The following AK5 variants were observed in gnomAD, a reference collection of about 807,000 sequenced individuals.
AK5 encodes adenylate kinase 5.
Under a neutral mutation model 69.5 loss-of-function variants are expected in AK5, and 27 were observed. The ratio of observed to expected loss-of-function variants is 0.39; its 90% CI spans 0.29 to 0.54. The LOEUF is 0.54. Ranked by LOEUF, AK5 falls within the 20% of genes least tolerant of loss-of-function variation. AK5 has a pLI of 0.71. For synonymous variants in AK5, 260 were observed against 244.4 expected (o/e 1.06, Z -0.60); for missense variants, 531 against 700.4 (o/e 0.76, Z 2.73).
chr1:77,316,907 T>C (rs1484867928), intron 5 of AK5, among the ~76,000 whole-genome samples: 1 of 152,218 alleles, frequency 6.6e-6, no homozygotes, highest in Non-Finnish European at 1.5e-5. Flanking sequence ...TGTGTAAAGA[T>C]AAAATTAGAG....
At chr1:77,283,164 G>A (rs1013196825) in intron 1 of AK5, 14 of 985,540 alleles carry the variant, frequency 1.4e-5, no homozygotes, top group Non-Finnish European at 1.7e-5. Context: ...AGAGAGAGGA[G>A]GCTCGAGGAA....
At chr1:77,314,510 A>AT (rs1239318376) in intron 5 of AK5, 1 of 152,736 alleles carries the variant, frequency 6.5e-6, no homozygotes, top group Non-Finnish European at 1.5e-5. Context: ...ATGTAGCTTA[A>AT]TTTTTTAATT....
At chr1:77,528,321 C>T (rs1658396375) in intron 12 of AK5, among the ~76,000 whole-genome samples, 2 of 152,164 alleles carry the variant, frequency 1.3e-5, no homozygotes, top group Non-Finnish European at 2.9e-5. Context: ...GAGGTCCATT[C>T]AAGCCTGGAG....
At chr1:77,427,925 T>C (rs3113638) in intron 8 of AK5, among the ~76,000 whole-genome samples, 173 of 152,318 alleles carry the variant, frequency 1.1e-3, no homozygotes, top group African/African-American at 3.8e-3. Context: ...GTGTCCTTGT[T>C]CACAGATGAA....
chr1:77,355,549 G>C (rs1444121055), intron 6 of AK5, among the ~76,000 whole-genome samples: 2 of 152,136 alleles, frequency 1.3e-5, no homozygotes, highest in Non-Finnish European at 2.9e-5. Flanking sequence ...TCATCACCCT[G>C]TCTTGACCTG....
intron 6 of AK5, among the ~76,000 whole-genome samples, chr1:77,368,722 T>G (rs1036315383): frequency 6.6e-6 from 1 of 152,178 alleles, no homozygotes; most frequent in Non-Finnish European, 1.5e-5. Flanking sequence ...TCTGAGTATC[T>G]GAAATCTGAA....
At chr1:77,283,566 C>T (rs572392911) in intron 1 of AK5, 85 of 985,214 alleles carry the variant, frequency 8.6e-5, no homozygotes, top group Non-Finnish European at 9.6e-5. Flanking sequence ...TTTCTCTCAC[C>T]TCTATAAGCC....
At chr1:77,352,427 A>G (rs917502443) in intron 6 of AK5, among the ~76,000 whole-genome samples, 1 of 152,204 alleles carries the variant, frequency 6.6e-6, no homozygotes, top group African/African-American at 2.4e-5. Flanking sequence ...GAAGCCAGTA[A>G]ACAAGGGAGC....
chr1:77,447,000 T>C (rs1652794115), intron 8 of AK5, among the ~76,000 whole-genome samples: 1 of 152,186 alleles, frequency 6.6e-6, no homozygotes, highest in Non-Finnish European at 1.5e-5. Flanking sequence ...CAGGAAACAC[T>C]TGTGCTTGAT....
rs1377590646 is a variant in AK5 at position 77,282,271 on chromosome 1, G to A, written c.-43G>A. 17 of 1,532,350 alleles carry A rather than the reference G, an allele frequency of 1.1e-5. No homozygotes were observed. Among genetic ancestry groups the A allele is most frequent in the Non-Finnish European group, 1.1e-5 (13 of 1,136,862 alleles). The allele number at this position is 1,532,350 out of a possible 1,614,324, so 94.9% of individuals were successfully genotyped here. The stretch of plus-strand genomic sequence containing the variant: ...GCCCCGGCTCAGGTCGCCGCAGCCC[G>A]GGAGCCTCCCCGCTTGCGCCCCAAG... On this transcript the variant is annotated 5_prime_UTR_variant, in exon 1 of 14. Transcript: ENST00000354567.
At chr1:77,503,613 G>A (rs143023728) in intron 10 of AK5, among the ~76,000 whole-genome samples, 1 of 152,156 alleles carries the variant, frequency 6.6e-6, no homozygotes, top group East Asian at 1.9e-4. Flanking sequence ...TTAAAAATTG[G>A]GGTGGAGGCC....
At position 77,524,054 on chromosome 1, in the gene AK5, C is replaced by G. The variant is rs550228769; in HGVS notation, c.1428+2111C>G. ...GTGAATTTCACTATTCTAGGTACCT[C>G]TTATTTCACTTAACAAAATGTCCAC... On this transcript the variant is annotated intron_variant, in intron 12 of 13. Transcript: ENST00000354567. Among the ~76,000 whole-genome samples, 9 of 152,330 alleles carry G rather than the reference C, an allele frequency of 5.9e-5. No individual in the cohort carries two copies. In the East Asian group the frequency reaches 1.3e-3, roughly 23 times the overall value.
chr1:77,289,530 T>G (rs1658559465), intron 2 of AK5, among the ~76,000 whole-genome samples: 1 of 152,152 alleles, frequency 6.6e-6, no homozygotes, highest in South Asian at 2.1e-4. Context: ...AAATTAAATC[T>G]AAGAAGTTAT....
chr1:77,518,739 G>A lies in AK5; in HGVS notation c.1311+12G>A. 6.2e-7 allele frequency: 1 copy of A among 1,612,886 alleles called. No homozygotes were observed. The highest frequency in any genetic ancestry group is 8.5e-7 in the Non-Finnish European group (1 of 1,179,228). ...ACCTGGTGCCCTCAGTAAGCAACAT[G>A]GCCTGACCCACATTACTGCCTTTCC... is the stretch of plus-strand genomic sequence containing the variant. On this transcript the variant is annotated intron_variant, in intron 11 of 13. Coordinates refer to ENST00000354567, the MANE Select transcript of AK5 (RefSeq NM_174858.3).
At chr1:77,478,896 G>A (rs978909511) in intron 8 of AK5, among the ~76,000 whole-genome samples, 24 of 151,514 alleles carry the variant, frequency 1.6e-4, no homozygotes, top group Non-Finnish European at 2.7e-4. Flanking sequence ...TCATACAAAT[G>A]ATAGTACCAG....
chr1:77,415,803 C>T (rs553438869), intron 7 of AK5, among the ~76,000 whole-genome samples: 1 of 152,204 alleles, frequency 6.6e-6, no homozygotes, highest in Non-Finnish European at 1.5e-5. Context: ...AATTTGGAGT[C>T]AGCATGGTGT....
chr1:77,497,889 A>G (rs1479320095), intron 10 of AK5, among the ~76,000 whole-genome samples: 1 of 152,176 alleles, frequency 6.6e-6, no homozygotes, highest in Non-Finnish European at 1.5e-5. Context: ...GCCAGTTTTA[A>G]ACATCTTAAG....
At position 77,302,457 on chromosome 1, in the gene AK5, G is replaced by A. The variant is rs577130604; in HGVS notation, c.699+4510G>A. Among the ~76,000 whole-genome samples, 6 of 152,056 alleles carry A rather than the reference G, an allele frequency of 3.9e-5. No homozygotes were observed. In the South Asian group the frequency reaches 6.2e-4, roughly 16 times the overall value. On this transcript the variant is annotated intron_variant, in intron 5 of 13. Transcript: ENST00000354567. The stretch of plus-strand genomic sequence containing the variant: ...GAGGGTACAAGTGCAGTTTCATTAC[G>A]CAGATATATTGCATAGTGGTGATTT...
chr1:77,334,658 G>T (rs1041559773), intron 5 of AK5, among the ~76,000 whole-genome samples: 2 of 151,656 alleles, frequency 1.3e-5, no homozygotes, highest in Non-Finnish European at 2.9e-5. Context: ...CTTCTGACCT[G>T]TCCTTTTTGT....
Sources: gnomAD v4.1 joint callset for allele counts (sites outside exome capture counted in the v4.1 genomes callset) on GRCh38, gnomAD v4.1.1 for gene constraint, MANE v1.5 for transcripts, NCBI Gene and HGNC (gene_info 2026-07-23, HGNC 2026-07-21) for gene names.